Variants in PLEC observed in about 807,000 individuals in gnomAD.
PLEC encodes plectin.
PLEC carries 216 observed loss-of-function variants against 392.8 expected under a neutral mutation model. The ratio of observed to expected loss-of-function variants is 0.55; its 90% CI spans 0.49 to 0.62. PLEC has a LOEUF of 0.62. PLEC is among the 20% of genes least tolerant of loss of function. PLEC has a pLI of 0.00. For missense variants in PLEC, 6,863 were observed against 6,563.4 expected (o/e 1.05, Z -1.58); for synonymous variants, 3,621 against 2,980.6 (o/e 1.21, Z -7.00).
intron 18 of PLEC, 115 bp from the exon 19 acceptor site, chr8:143,931,774 G>A (rs767804298): frequency 2.8e-4 from 420 of 1,509,750 alleles, no homozygotes; most frequent in Non-Finnish European, 3.6e-4. Context: ...AAAGCCCCCA[G>A]GAGGCCTGGG....
In PLEC at chr8:143,932,629, A is replaced by C. The variant is rs782818583; in HGVS notation, c.1815+6T>G. On this transcript the variant is annotated splice_donor_region_variant and intron_variant, in intron 15 of 31. Transcript: ENST00000345136. ...ACCTCCCCCGGCTGGCCCTGCCCCC[A>C]CTCACCAGCAGCTTGGCGTACTGCA... is the stretch of plus-strand genomic sequence containing the variant. 1.2e-6 allele frequency: 2 copies of C among 1,609,376 alleles called. No homozygotes were observed. Among genetic ancestry groups the C allele is most frequent in the Non-Finnish European group, 8.5e-7 (1 of 1,179,134 alleles).
At position 143,950,719 on chromosome 8, in the gene PLEC, C is replaced by T. The variant is rs541778920; in HGVS notation, c.-13G>A. The T allele has an allele frequency of 9.5e-5, 148 of 1,553,510 alleles. 1 individual carries two copies. The highest frequency in any genetic ancestry group is 1.2e-4 in the Non-Finnish European group (140 of 1,155,520). On this transcript the variant is annotated 5_prime_UTR_variant, in exon 1 of 32. Transcript: ENST00000322810. ...TGCCGGCCACCATGGCTGCTGGAGC[C>T]GGGCAGTCAGTGCGGGGGCAAAGGC... is the stretch of plus-strand genomic sequence containing the variant.
chr8:143,937,036 A>G lies in PLEC; in HGVS notation c.378T>C (p.Ala126=), dbSNP rs6993938. The G allele has an allele frequency of 0.37, 592,670 of 1,611,964 alleles. 114,183 individuals are homozygous for G. Among genetic ancestry groups the G allele is most frequent in the Non-Finnish European group, 0.4 (466,620 of 1,178,910 alleles). ...KLVNIRNDDI[A]DGNPKLTLGL... Reference sequence around the variant, plus strand: ...CAAGGGTCAGCTTGGGGTTGCCGTCAGCGATGTCATCATTCCTGATGTTCA... The same window carrying G: ...CAAGGGTCAGCTTGGGGTTGCCGTCGGCGATGTCATCATTCCTGATGTTCA... The change falls in exon 5 of 32, where the codon GCT becomes GCC. Residue 126 remains alanine, a synonymous_variant. Coordinates refer to ENST00000345136, the MANE Select transcript of PLEC (RefSeq NM_201384.3).
chr8:143,916,553 T>A lies in PLEC; in HGVS notation c.13268A>T (p.Gln4423Leu). 6.2e-7 allele frequency: 1 copy of A among 1,611,730 alleles called. No individual in the cohort carries two copies. The highest frequency in any genetic ancestry group is 1.3e-5 in the African/African-American group (1 of 75,012). Residue 4423 changes from glutamine to leucine, a missense_variant, in exon 32 of 32, where the codon CAG (glutamine) becomes CTG (leucine). Transcript: ENST00000345136. ...GTAGGCGCCCACGTCACGCAGCTTCTGTGCGGTGCGGGCGTCCACCGTGCC... is the reference window on the plus strand; with the variant it reads ...GTAGGCGCCCACGTCACGCAGCTTCAGTGCGGTGCGGGCGTCCACCGTGCC... ...QRGTVDARTA[Q>L]KLRDVGAYSK...
At position 143,917,236 on chromosome 8, in the gene PLEC, G is replaced by A. The variant is rs1002095432; in HGVS notation, c.12585C>T (p.Ile4195=). The A allele has an allele frequency of 2.0e-5, 32 of 1,612,610 alleles. No homozygotes were observed. The East Asian group carries it at 3.3e-4, about 17-fold the overall frequency. The change falls in exon 32 of 32, where the codon ATC becomes ATT. Residue 4195 remains isoleucine (I), a synonymous_variant. Transcript: ENST00000345136. The stretch of plus-strand genomic sequence containing the variant: ...CGTACTGGCGCCCGGAGCGGCGGTC[G>A]ATGATCATGGACTTGACCACGCCGT... ...SSDGVVKSMI[I]DRRSGRQYDI...
At chr8:143,959,300 C>T (rs913627490) in intron 1 of PLEC, among the ~76,000 whole-genome samples, 2 of 152,260 alleles carry the variant, frequency 1.3e-5, no homozygotes, top group South Asian at 2.1e-4. Flanking sequence ...TTAAAAGACC[C>T]GAGAGATTTC....
At chr8:143,965,222 G>A (rs1198678891) in intron 1 of PLEC, among the ~76,000 whole-genome samples, 1 of 152,180 alleles carries the variant, frequency 6.6e-6, no homozygotes, top group East Asian at 1.9e-4. Flanking sequence ...CCCATTCCTG[G>A]TCCTGGGTCT....
intron 1 of PLEC, among the ~76,000 whole-genome samples, chr8:143,948,202 G>A (rs552572791): frequency 7.5e-4 from 114 of 152,346 alleles, no homozygotes; most frequent in Non-Finnish European, 1.4e-3. Flanking sequence ...GGTACAGCTG[G>A]TGCTCCCTAG....
rs1823256302 is a variant in PLEC, at chr8:143,922,650, TCTC to T, written c.7276_7278del (p.Glu2426del). Reference sequence around the variant, plus strand: ...TCCAGTGTCTGCACCAGGGTCACCTTCTCCTGGGTGGCGAGCTCCGTGCGGTGC... The same window carrying T: ...TCCAGTGTCTGCACCAGGGTCACCTTCTGGGTGGCGAGCTCCGTGCGGTGC... On this transcript the variant is annotated inframe_deletion, in exon 31 of 32. Transcript: ENST00000345136. 1 of 1,613,428 alleles carries T rather than the reference TCTC, an allele frequency of 6.2e-7. No individual in the cohort carries two copies. The highest frequency in any genetic ancestry group is 8.5e-7 in the Non-Finnish European group (1 of 1,179,926).
At chr8:143,973,694 G>A (rs1176922241), upstream of PLEC, among the ~76,000 whole-genome samples, 1 of 150,508 alleles carries the variant, frequency 6.6e-6, no homozygotes, top group Non-Finnish European at 1.5e-5. The surrounding 1 kb of genome is among the most constrained non-coding windows in gnomAD (Gnocchi z 5.6). Context: ...CGCGGGCTCC[G>A]AGTCCCGCAC....
upstream of PLEC, among the ~76,000 whole-genome samples, chr8:143,942,850 G>A (rs115150651): frequency 4.6e-3 from 694 of 152,344 alleles, 3 homozygotes; most frequent in African/African-American, 0.016. Context: ...AGGGCATGGG[G>A]CCAGGTGGTG....
In PLEC at chr8:143,929,553, C is replaced by T. The variant is rs781911502; in HGVS notation, c.2942G>A (p.Arg981His). ...GAGCTCGGAGATGCAGCGCTGGCAG[C>T]GAGACTCTTCCTGTGCACCTGGGGA... ...SLEQGAQEES[R>H]CQRCISELKD... The change falls in exon 24 of 32, where the codon CGC becomes CAC. Residue 981 changes from arginine to histidine, a missense_variant. Arg to His is a conservative substitution (Grantham distance 29). Transcript: ENST00000345136. The T allele has an allele frequency of 8.1e-6, 13 of 1,612,452 alleles. No individual in the cohort carries two copies. The highest frequency in any genetic ancestry group is 5.5e-5 in the South Asian group (5 of 91,092).
At chr8:143,975,194 G>T, upstream of PLEC, 1 of 1,600,670 alleles carries the variant, frequency 6.2e-7, no homozygotes, top group Non-Finnish European at 8.5e-7. The surrounding 1 kb of genome is among the most constrained non-coding windows in gnomAD (Gnocchi z 9.9). Context: ...GCGAATGACC[G>T]CCCGCTCAGC....
At chr8:143,940,326 G>C (rs1020225033), upstream of PLEC, among the ~76,000 whole-genome samples, 7 of 152,324 alleles carry the variant, frequency 4.6e-5, no homozygotes, top group East Asian at 1.4e-3. Context: ...CCTCATGGGG[G>C]AATGGAGCAT....
intron 1 of PLEC, chr8:143,950,046 G>A (rs1315007476): frequency 5.2e-6 from 6 of 1,155,670 alleles, no homozygotes; most frequent in Non-Finnish European, 7.1e-6. Context: ...CGGCTAGGGG[G>A]GGCCACCTGC....
rs782343456 is a variant in PLEC, at chr8:143,931,580, C to G, written c.2258G>C (p.Arg753Pro). 1 of 1,597,906 alleles carries G rather than the reference C, an allele frequency of 6.3e-7. No homozygotes were observed. The highest frequency in any genetic ancestry group is 8.5e-7 in the Non-Finnish European group (1 of 1,172,622). ...EALRRKYSCD[R>P]SATVTRLEDL... ...CTCCAGCCGGGTGACGGTGGCGGAG[C>G]GATCACAACTGTATTTCCTACGCAG... The change falls in exon 19 of 32, where the codon CGC becomes CCC. Residue 753 changes from arginine (R) to proline (P), a missense_variant. Coordinates refer to ENST00000345136, the MANE Select transcript of PLEC (RefSeq NM_201384.3).
intron 1 of PLEC, among the ~76,000 whole-genome samples, chr8:143,965,730 C>T (rs1833055225): frequency 6.6e-6 from 1 of 152,234 alleles, no homozygotes; most frequent in Admixed American, 6.5e-5. Flanking sequence ...CAGCCCAACC[C>T]TGGGAAAATC....
In PLEC at chr8:143,929,848, G is replaced by T; in HGVS notation, c.2740-19C>A. The T allele has an allele frequency of 6.2e-7, 1 of 1,600,010 alleles. No homozygotes were observed. The highest frequency in any genetic ancestry group is 1.3e-5 in the African/African-American group (1 of 74,994). ...TGCGGAACTGGGGGAAGCACGTGGG[G>T]CTGAGTGCCGGGCGAGGCGGCCGTG... On this transcript the variant is annotated intron_variant, in intron 22 of 31. Transcript: ENST00000345136.
At position 143,924,985 on chromosome 8, in the gene PLEC, C is replaced by G; in HGVS notation, c.4944G>C (p.Ala1648=). The G allele has an allele frequency of 6.3e-7, 1 of 1,577,576 alleles. No homozygotes were observed. The highest frequency in any genetic ancestry group is 8.5e-7 in the Non-Finnish European group (1 of 1,170,084). The part of the protein sequence containing the change: ...ANEALRLRLQ[A]EEVAQQKSLA... ...GGCTCTTCTGCTGCGCCACCTCCTC[C>G]GCCTGCAGCCGCAGCCGTAGCGCCT... The change falls in exon 31 of 32, where the codon GCG becomes GCC. Residue 1648 remains alanine (A), a synonymous_variant. Transcript: ENST00000345136.
Sources: allele counts gnomAD v4.1 joint callset (sites outside exome capture counted in the v4.1 genomes callset), GRCh38; gene constraint gnomAD v4.1.1; non-coding constraint Gnocchi (gnomAD v3.1); transcripts MANE v1.5; gene names NCBI Gene and HGNC (gene_info 2026-07-23, HGNC 2026-07-21).